Variants in PTPRN2 observed in about 807,000 individuals in gnomAD.
The protein encoded by PTPRN2 is receptor-type tyrosine-protein phosphatase N2.
Under a neutral mutation model 118.8 loss-of-function variants are expected in PTPRN2, and 74 were observed. The observed-to-expected ratio is 0.62, with a 90% confidence interval of 0.52 to 0.76. The LOEUF (loss-of-function observed/expected upper bound fraction) is 0.76, where lower values mean the gene tolerates loss of function less well. PTPRN2 is among the 30% of genes least tolerant of loss of function. The pLI is 0.00. For synonymous variants in PTPRN2, 641 were observed against 608.0 expected (o/e 1.05, Z -0.80); for missense variants, 1,481 against 1,394.4 (o/e 1.06, Z -0.99).
chr7:158,301,814 G>A (rs1800911918), intron 3 of PTPRN2, among the ~76,000 whole-genome samples: 1 of 152,174 alleles, frequency 6.6e-6, no homozygotes, highest in Non-Finnish European at 1.5e-5. Flanking sequence ...GCTGGGCATG[G>A]TGGTTTGCAC....
chr7:157,893,917 A>C lies in PTPRN2; in HGVS notation c.1788+4756T>G, dbSNP rs1033206128. ...GGGAACAGAGATGGCCGTCGCGCCCAGTGAGAGCAGAAAGCAATGCAGGGG... is the reference window on the plus strand; with the variant it reads ...GGGAACAGAGATGGCCGTCGCGCCCCGTGAGAGCAGAAAGCAATGCAGGGG... On this transcript the variant is annotated intron_variant, in intron 12 of 22. Transcript: ENST00000389418. The surrounding 1 kb of genome is among the most constrained non-coding windows in gnomAD (Gnocchi z 4.0). 1.3e-5 allele frequency among the ~76,000 whole-genome samples: 2 copies of C among 152,184 alleles called. No individual in the cohort carries two copies. The highest frequency in any genetic ancestry group is 2.9e-5 in the Non-Finnish European group (2 of 68,038).
intron 12 of PTPRN2, among the ~76,000 whole-genome samples, chr7:157,735,374 A>G (rs1035964640): frequency 3.3e-5 from 5 of 152,186 alleles, no homozygotes; most frequent in African/African-American, 1.2e-4. Context: ...TATGGTGTCC[A>G]TCCTGAGCTC....
At chr7:157,588,605 A>T (rs755831264) in intron 17 of PTPRN2, among the ~76,000 whole-genome samples, 1 of 152,192 alleles carries the variant, frequency 6.6e-6, no homozygotes, top group Admixed American at 6.5e-5. Context: ...CACCTGGAGA[A>T]AGCGTCACTT....
chr7:158,499,556 T>G (rs1458078359), intron 1 of PTPRN2, among the ~76,000 whole-genome samples: 2 of 152,166 alleles, frequency 1.3e-5, no homozygotes, highest in African/African-American at 4.8e-5. Flanking sequence ...CTGGGAGGCC[T>G]AGAGGTCAGG....
intron 12 of PTPRN2, among the ~76,000 whole-genome samples, chr7:157,746,284 TG>T (rs1300874105): frequency 7.3e-6 from 1 of 137,406 alleles, no homozygotes; most frequent in Non-Finnish European, 1.6e-5. Flanking sequence ...ATGGAGATCA[TG>T]GGCCTCCCCT....
chr7:158,397,587 A>G (rs1415844505), intron 2 of PTPRN2, among the ~76,000 whole-genome samples: 1 of 152,174 alleles, frequency 6.6e-6, no homozygotes, highest in Non-Finnish European at 1.5e-5. Context: ...TCCACCCAGG[A>G]AAGCTGGGGG....
rs977243121 is a variant in PTPRN2 at position 157,585,386 on chromosome 7, G to A, written c.2497-7246C>T. On this transcript the variant is annotated intron_variant, in intron 17 of 22. Coordinates refer to ENST00000389418, the MANE Select transcript of PTPRN2 (RefSeq NM_002847.5). This position sits in a 1 kb window ranked among gnomAD's most constrained non-coding sequence, Gnocchi z 5.2. ...CACCAAAGTCGGGTCTGTGTTCTCC[G>A]GGAAGGACTCAGCCTGCTTGTGTGC... 3.3e-5 allele frequency among the ~76,000 whole-genome samples: 5 copies of A among 152,180 alleles called. No individual in the cohort carries two copies. The highest frequency in any genetic ancestry group is 7.3e-5 in the Non-Finnish European group (5 of 68,032).
At position 158,151,110 on chromosome 7, in the gene PTPRN2, T is replaced by C. The variant is rs1563520833; in HGVS notation, c.911-12595A>G. Among the ~76,000 whole-genome samples, 90 of 12,142 alleles carry C rather than the reference T, an allele frequency of 7.4e-3. 9 individuals carry two copies. Among genetic ancestry groups the C allele is most frequent in the African/African-American group, 0.022 (79 of 3,614 alleles). 8.0% of individuals were successfully genotyped at this position (12,142 alleles called of 152,430 possible). ...CTGCCCAAACCGCCCGCCTTTCTGCTCCTACCCCTGCCCACACCGCCCGCC... is the reference window on the plus strand; with the variant it reads ...CTGCCCAAACCGCCCGCCTTTCTGCCCCTACCCCTGCCCACACCGCCCGCC... On this transcript the variant is annotated intron_variant, in intron 6 of 22. Coordinates refer to ENST00000389418, the MANE Select transcript of PTPRN2 (RefSeq NM_002847.5).
intron 12 of PTPRN2, among the ~76,000 whole-genome samples, chr7:157,705,407 G>A (rs978816202): frequency 1.3e-5 from 2 of 152,240 alleles, no homozygotes; most frequent in African/African-American, 2.4e-5. Context: ...AGGAGGCGAG[G>A]CAGGGTATGA....
intron 9 of PTPRN2, among the ~76,000 whole-genome samples, chr7:158,113,986 C>T (rs1816515950): frequency 6.6e-6 from 1 of 152,216 alleles, no homozygotes; most frequent in Non-Finnish European, 1.5e-5. Flanking sequence ...TCAGAGCCAC[C>T]TGGGGAGGGT....
chr7:158,289,707 G>A (rs77647075), intron 3 of PTPRN2, among the ~76,000 whole-genome samples: 2,096 of 152,218 alleles, frequency 0.014, 47 homozygotes, highest in African/African-American at 0.048. Flanking sequence ...TGGTGGTGTT[G>A]TGTCTCCTTG....
chr7:158,249,136 C>T (rs1240970113), intron 3 of PTPRN2, among the ~76,000 whole-genome samples: 7 of 151,266 alleles, frequency 4.6e-5, no homozygotes, highest in East Asian at 2.0e-4. Context: ...ACACACCACA[C>T]GTGAATCACA....
rs187389702 is a variant in PTPRN2 at position 158,443,309 on chromosome 7, C to T, written c.163+46426G>A. ...TTCTCCCCGAAGGCACAGAAGGCTC[C>T]GAAGTTGCCACCTCTTGCCTGAGTT... On this transcript the variant is annotated intron_variant, in intron 2 of 22. Transcript: ENST00000389418. Among the ~76,000 whole-genome samples, 6 of 152,324 alleles carry T rather than the reference C, an allele frequency of 3.9e-5. No homozygotes were observed. In the East Asian group the frequency reaches 5.8e-4, roughly 15 times the overall value.
chr7:158,133,626 G>A, intron 9 of PTPRN2, 51 bp downstream of exon 9: 1 of 1,512,224 alleles, frequency 6.6e-7, no homozygotes, highest in Non-Finnish European at 8.8e-7. Flanking sequence ...CCAGCCTGCT[G>A]GGACAAGCCC....
chr7:157,830,094 TGACCTCCTGTCTTCCTGCTCTTG>T (rs1240507312), intron 12 of PTPRN2, among the ~76,000 whole-genome samples: 1 of 140,040 alleles, frequency 7.1e-6, no homozygotes, highest in East Asian at 2.5e-4. Context: ...ATGGTGTCCT[TGACCTCCTGTCTTCCTGCTCTTG>T]GTCCCATGGG....
intron 11 of PTPRN2, among the ~76,000 whole-genome samples, chr7:158,072,803 A>G (rs1465253585): frequency 6.6e-6 from 1 of 152,104 alleles, no homozygotes; most frequent in Non-Finnish European, 1.5e-5. Flanking sequence ...ACAAGGAGAC[A>G]ACAAGGGAGA....
intron 9 of PTPRN2, among the ~76,000 whole-genome samples, chr7:158,125,583 C>A (rs973578705): frequency 2.0e-5 from 3 of 152,212 alleles, no homozygotes; most frequent in African/African-American, 7.2e-5. Flanking sequence ...CCCCACACCA[C>A]CTGAAATCTT....
At chr7:157,664,290 A>C (rs1292707325) in intron 13 of PTPRN2, among the ~76,000 whole-genome samples, 1 of 152,262 alleles carries the variant, frequency 6.6e-6, no homozygotes, top group Non-Finnish European at 1.5e-5. Flanking sequence ...AGGTTACAGC[A>C]TCAGCTGCCA....
At chr7:158,305,804 A>G (rs999863505) in intron 3 of PTPRN2, among the ~76,000 whole-genome samples, 23 of 152,138 alleles carry the variant, frequency 1.5e-4, no homozygotes, top group Non-Finnish European at 2.6e-4. Context: ...AAAAAAAAAA[A>G]AAAGAAAGAA....
Sources: allele counts gnomAD v4.1 joint callset (sites outside exome capture counted in the v4.1 genomes callset), GRCh38; gene constraint gnomAD v4.1.1; non-coding constraint Gnocchi (gnomAD v3.1); transcripts MANE v1.5; gene names NCBI Gene and HGNC (gene_info 2026-07-23, HGNC 2026-07-21).